The following SIM2 variants were observed in gnomAD, a reference collection of about 807,000 sequenced individuals.
SIM2 encodes the protein SIM bHLH transcription factor 2.
SIM2 carries 28 observed loss-of-function variants against 64.8 expected under a neutral mutation model. The observed-to-expected ratio is 0.43, with a 90% confidence interval of 0.32 to 0.59. The LOEUF is 0.59. Ranked by LOEUF, SIM2 falls within the 20% of genes least tolerant of loss-of-function variation. The probability of loss-of-function intolerance (pLI) is 0.07; values close to 1 mark genes in which losing one functional copy is unlikely to be tolerated. For missense variants in SIM2, 847 were observed against 871.4 expected, an observed-to-expected ratio of 0.97 and a Z score of 0.35; for synonymous variants, 408 against 391.1, an observed-to-expected ratio of 1.04 and a Z score of -0.51.
intron 6 of SIM2, among the ~76,000 whole-genome samples, chr21:36,729,944 A>G (rs2088943287): frequency 6.6e-6 from 1 of 152,210 alleles, no homozygotes. Flanking sequence ...ATGAGAACAC[A>G]AAGGGGTTGT....
In SIM2 at chr21:36,749,673, A is replaced by G. The variant is rs2089308942; in HGVS notation, c.*1581A>G. The G allele has an allele frequency of 6.6e-6, 1 of 152,186 alleles. No homozygotes were observed. Among genetic ancestry groups the G allele is most frequent in the Admixed American group, 6.5e-5 (1 of 15,284 alleles). 9.4% of individuals were successfully genotyped at this position (152,186 alleles called of 1,614,324 possible). A position where few individuals can be genotyped will look rare whatever the true frequency, so the allele number is the denominator to read the frequency against. On this transcript the variant is annotated 3_prime_UTR_variant, in exon 11 of 11. Transcript: ENST00000290399. ...CCTTGTGAGTGTGTGCACAGGAAAT[A>G]AGCCGAGGGTATTATTTTTTTATGT... is the stretch of plus-strand genomic sequence containing the variant.
chr21:36,719,173 G>A (rs1024118681), intron 3 of SIM2, among the ~76,000 whole-genome samples: 5 of 152,264 alleles, frequency 3.3e-5, no homozygotes, highest in Admixed American at 1.3e-4. Flanking sequence ...CCCTGGGCGG[G>A]AGCCACAGAA....
intron 7 of SIM2, among the ~76,000 whole-genome samples, chr21:36,739,320 TCA>T (rs2089123616): frequency 6.6e-6 from 1 of 152,172 alleles, no homozygotes; most frequent in Non-Finnish European, 1.5e-5. Context: ...TAGTCTAGGA[TCA>T]CACAGTTTGT....
chr21:36,735,959 C>T (rs549626754), intron 7 of SIM2, among the ~76,000 whole-genome samples: 5 of 152,322 alleles, frequency 3.3e-5, no homozygotes, highest in African/African-American at 1.2e-4. Flanking sequence ...ACTTCCTATT[C>T]AGCCTCCTGC....
At chr21:36,705,243 T>C (rs1047127115) in intron 1 of SIM2, among the ~76,000 whole-genome samples, 15 of 152,228 alleles carry the variant, frequency 9.9e-5, no homozygotes, top group Non-Finnish European at 2.1e-4. Context: ...AATATGTGCT[T>C]GCGTGGAGCA....
intron 10 of SIM2, among the ~76,000 whole-genome samples, chr21:36,746,742 G>GA (rs960402775): frequency 6.6e-6 from 1 of 152,140 alleles, no homozygotes; most frequent in Admixed American, 6.5e-5. Flanking sequence ...CCAAGGAAGG[G>GA]ATCTCCAGAA....
At position 36,726,068 on chromosome 21, in the gene SIM2, T is replaced by C. The variant is rs1267726467; in HGVS notation, c.544-51T>C. 6.6e-7 allele frequency: 1 copy of C among 1,514,250 alleles called. No individual in the cohort carries two copies. Among genetic ancestry groups the C allele is most frequent in the South Asian group, 1.1e-5 (1 of 88,848 alleles). 93.8% of individuals were successfully genotyped at this position (1,514,250 alleles called of 1,614,324 possible). A position where few individuals can be genotyped will look rare whatever the true frequency, so the allele number is the denominator to read the frequency against. On this transcript the variant is annotated intron_variant, in intron 5 of 10. Transcript: ENST00000290399. This position sits in a 1 kb window ranked among gnomAD's most constrained non-coding sequence, Gnocchi z 4.5. Reference sequence around the variant, plus strand: ...AGAAAATGAGCCAGGAGGAGTGGGCTCCAGCCCAACCCCAGTGGCCAGTGG... The same window carrying C: ...AGAAAATGAGCCAGGAGGAGTGGGCCCCAGCCCAACCCCAGTGGCCAGTGG...
At chr21:36,707,937 C>G (rs1229074578) in intron 1 of SIM2, among the ~76,000 whole-genome samples, 1 of 39,988 alleles carries the variant, frequency 2.5e-5, no homozygotes. Context: ...CTCAGGACGG[C>G]AGTGGGGGGC....
At chr21:36,741,098 G>A (rs1347312233) in intron 7 of SIM2, among the ~76,000 whole-genome samples, 4 of 152,178 alleles carry the variant, frequency 2.6e-5, no homozygotes, top group Non-Finnish European at 5.9e-5. Context: ...AGGCCCATAG[G>A]CCCAATTTTC....
rs1265054471 is a variant in SIM2, at chr21:36,699,857, G to A, written c.111G>A (p.Leu37=). 6.2e-7 allele frequency: 1 copy of A among 1,609,922 alleles called. No individual in the cohort carries two copies. The highest frequency in any genetic ancestry group is 1.1e-5 in the South Asian group (1 of 90,038). ...LPLPSAITSQ[L]DKASIIRLTT... The stretch of plus-strand genomic sequence containing the variant: ...TGCCGTCGGCCATCACTTCGCAGCT[G>A]GACAAAGCGTCCATCATCCGCCTCA... The change falls in exon 1 of 11, where the codon CTG becomes CTA. Residue 37 remains leucine, a synonymous_variant. Transcript: ENST00000290399. This position sits in a 1 kb window ranked among gnomAD's most constrained non-coding sequence, Gnocchi z 5.6.
chr21:36,737,192 G>C (rs1008284595), intron 7 of SIM2, among the ~76,000 whole-genome samples: 4 of 152,178 alleles, frequency 2.6e-5, no homozygotes, highest in Non-Finnish European at 4.4e-5. Context: ...ACCTCCCAAA[G>C]TGTTGGGATT....
At chr21:36,746,116 G>A (rs951121394) in intron 10 of SIM2, 3 of 445,750 alleles carry the variant, frequency 6.7e-6, no homozygotes, top group Non-Finnish European at 9.6e-6. Context: ...AGGAGTTTGC[G>A]ACAAGCCTGC....
intron 7 of SIM2, among the ~76,000 whole-genome samples, chr21:36,739,953 G>A (rs914568106): frequency 2.1e-5 from 3 of 140,528 alleles, no homozygotes; most frequent in African/African-American, 8.0e-5. Flanking sequence ...GAGCAACACA[G>A]AGAGACTCTG....
intron 7 of SIM2, among the ~76,000 whole-genome samples, chr21:36,734,103 GGCTGTCGT>G (rs1377274247): frequency 6.6e-6 from 1 of 152,198 alleles, no homozygotes; most frequent in Non-Finnish European, 1.5e-5. Flanking sequence ...CCAGCCCATT[GGCTGTCGT>G]GCTGTCAGCC....
chr21:36,707,868 C>A (rs2088607959), intron 1 of SIM2, among the ~76,000 whole-genome samples: 1 of 152,088 alleles, frequency 6.6e-6, no homozygotes, highest in African/African-American at 2.4e-5. Flanking sequence ...CCCCGTCCCT[C>A]GTATCCCGCG....
chr21:36,727,243 C>T (rs930842399), intron 6 of SIM2, among the ~76,000 whole-genome samples: 29 of 152,016 alleles, frequency 1.9e-4, no homozygotes, highest in Non-Finnish European at 4.0e-4. Context: ...CTATGTTGGC[C>T]AGGCTGGTCT....
chr21:36,727,870 T>C (rs2088913264), intron 6 of SIM2, among the ~76,000 whole-genome samples: 1 of 152,136 alleles, frequency 6.6e-6, no homozygotes, highest in South Asian at 2.1e-4. Flanking sequence ...AAAAAACAGA[T>C]CTTCCTGGTT....
At chr21:36,725,532 C>T (rs1234178960) in intron 5 of SIM2, among the ~76,000 whole-genome samples, 2 of 152,170 alleles carry the variant, frequency 1.3e-5, no homozygotes, top group Non-Finnish European at 2.9e-5. Flanking sequence ...GCAGTGAGCT[C>T]ATATGTATAT....
intron 7 of SIM2, among the ~76,000 whole-genome samples, chr21:36,732,897 G>C (rs2088989905): frequency 6.6e-6 from 1 of 152,220 alleles, no homozygotes. Context: ...GCAGTAGCAA[G>C]AGCAGTTGGG....
Sources: allele counts gnomAD v4.1 joint callset (sites outside exome capture counted in the v4.1 genomes callset), GRCh38; gene constraint gnomAD v4.1.1; non-coding constraint Gnocchi (gnomAD v3.1); transcripts MANE v1.5; gene names NCBI Gene and HGNC (gene_info 2026-07-23, HGNC 2026-07-21).